Variants in SEMA3A observed in about 807,000 individuals in gnomAD.
SEMA3A encodes the protein semaphorin 3A.
Under a neutral mutation model 97.9 loss-of-function variants are expected in SEMA3A, and 29 were observed. That is an observed-to-expected ratio of 0.30 (90% CI 0.22 to 0.40). SEMA3A has a LOEUF of 0.40. Among genes scored for constraint, SEMA3A ranks in the 10% least tolerant of loss-of-function variants. The probability of loss-of-function intolerance (pLI) is 1.00; values close to 1 mark genes in which losing one functional copy is unlikely to be tolerated. For synonymous variants in SEMA3A, 321 were observed against 323.7 expected (o/e 0.99, Z 0.09); for missense variants, 763 against 951.3 (o/e 0.80, Z 2.60).
intron 3 of SEMA3A, among the ~76,000 whole-genome samples, chr7:84,263,330 T>C (rs189570346): frequency 2.6e-5 from 4 of 152,180 alleles, no homozygotes; most frequent in Non-Finnish European, 4.4e-5. Context: ...ACTGTGTAGG[T>C]AGTGCAGAAC....
intron 3 of SEMA3A, among the ~76,000 whole-genome samples, chr7:84,245,146 A>T (rs1799450406): frequency 6.6e-6 from 1 of 151,972 alleles, no homozygotes; most frequent in African/African-American, 2.4e-5. Context: ...TATTGCTAGG[A>T]TGGGGAAGTT....
intron 2 of SEMA3A, among the ~76,000 whole-genome samples, chr7:84,336,725 C>T (rs1802046354): frequency 6.6e-6 from 1 of 152,100 alleles, no homozygotes; most frequent in Admixed American, 6.6e-5. Context: ...AAGAAACATC[C>T]TCAAGTAGGG....
At position 84,275,996 on chromosome 7, in the gene SEMA3A, T is replaced by A. The variant is rs183955020; in HGVS notation, c.-83+31211A>T. On this transcript the variant is annotated intron_variant, in intron 3 of 3. Coordinates refer to the SEMA3A transcript ENST00000424555. ...CGTTGCTGCTTAAAATTACAAAATA[T>A]TGTCCTGCTCATGTAAAGTGGTAGT... Among the ~76,000 whole-genome samples the A allele has an allele frequency of 1.1e-3, 173 of 152,206 alleles. No individual in the cohort carries two copies. The Middle Eastern group carries it at 0.014, about 12-fold the overall frequency.
chr7:84,089,486 T>C (rs554345602), intron 4 of SEMA3A, among the ~76,000 whole-genome samples: 1 of 148,332 alleles, frequency 6.7e-6, no homozygotes, highest in Admixed American at 7.0e-5. Flanking sequence ...ATTATTGATT[T>C]TAATGTAATT....
chr7:83,973,298 G>A (rs1788994330), intron 15 of SEMA3A, among the ~76,000 whole-genome samples: 1 of 151,880 alleles, frequency 6.6e-6, no homozygotes, highest in African/African-American at 2.4e-5. Context: ...CTGAATAAGA[G>A]TTTATTTCTC....
At chr7:84,033,325 A>G (rs1032120057) in intron 6 of SEMA3A, among the ~76,000 whole-genome samples, 1 of 152,210 alleles carries the variant, frequency 6.6e-6, no homozygotes. Flanking sequence ...AAAATTTAAA[A>G]GCAAAAATTT....
chr7:84,322,741 T>A (rs376673946), intron 2 of SEMA3A, among the ~76,000 whole-genome samples: 1 of 152,194 alleles, frequency 6.6e-6, no homozygotes, highest in Non-Finnish European at 1.5e-5. Context: ...AACAGACTAA[T>A]ACAATCATTT....
intron 1 of SEMA3A, among the ~76,000 whole-genome samples, chr7:84,384,052 C>T (rs1051234670): frequency 3.3e-5 from 5 of 152,110 alleles, no homozygotes; most frequent in African/African-American, 1.2e-4. Context: ...TTGGATGGTA[C>T]TTCTAGGACA....
At chr7:83,988,691 A>T (rs772579688) in intron 12 of SEMA3A, among the ~76,000 whole-genome samples, 3 of 152,054 alleles carry the variant, frequency 2.0e-5, no homozygotes, top group Non-Finnish European at 2.9e-5. Context: ...ACCTTAAATG[A>T]ATTATATTAG....
At chr7:83,963,751 A>G (rs889718401) in intron 15 of SEMA3A, among the ~76,000 whole-genome samples, 21 of 152,218 alleles carry the variant, frequency 1.4e-4, no homozygotes, top group African/African-American at 5.1e-4. Flanking sequence ...AGTTATTGGA[A>G]TAAGTTTTTG....
chr7:84,414,356 C>T (rs1219185913), intron 1 of SEMA3A, among the ~76,000 whole-genome samples: 1 of 120,064 alleles, frequency 8.3e-6, no homozygotes, highest in Non-Finnish European at 1.8e-5. Flanking sequence ...ATTAACTCAA[C>T]AAAAGTAATC....
intron 9 of SEMA3A, among the ~76,000 whole-genome samples, chr7:84,008,865 A>G (rs2116406787): frequency 6.6e-6 from 1 of 152,306 alleles, no homozygotes; most frequent in Non-Finnish European, 1.5e-5. Context: ...TAGCAGAACA[A>G]ATAGCAAATT....
chr7:84,374,379 T>G (rs1401546751), intron 1 of SEMA3A, among the ~76,000 whole-genome samples: 1 of 152,196 alleles, frequency 6.6e-6, no homozygotes, highest in African/African-American at 2.4e-5. Context: ...TATATTTAAG[T>G]CAATTATTGA....
chr7:84,037,143 T>G (rs1359755722), intron 6 of SEMA3A, among the ~76,000 whole-genome samples: 1 of 146,066 alleles, frequency 6.8e-6, no homozygotes, highest in East Asian at 2.3e-4. Context: ...TCCAAACAGC[T>G]AAGTTTTTTT....
At chr7:84,487,727 C>T (rs1806611726) in intron 1 of SEMA3A, among the ~76,000 whole-genome samples, 1 of 152,080 alleles carries the variant, frequency 6.6e-6, no homozygotes, top group Non-Finnish European at 1.5e-5. Flanking sequence ...GTATTTAGAG[C>T]TTTCAGATCC....
intron 1 of SEMA3A, among the ~76,000 whole-genome samples, chr7:84,461,869 T>C (rs2116389339): frequency 6.6e-6 from 1 of 152,320 alleles, no homozygotes; most frequent in East Asian, 1.9e-4. Flanking sequence ...CATTGCTCAG[T>C]TCTTTTACAA....
At chr7:83,961,862 A>G (rs1788486644) in intron 16 of SEMA3A, 36 bp from the exon 17 acceptor site, 2 of 1,491,114 alleles carry the variant, frequency 1.3e-6, no homozygotes, top group Non-Finnish European at 1.8e-6. Context: ...TAAAATATAC[A>G]TATTTAAAAG....
At position 84,402,853 on chromosome 7, in the gene SEMA3A, G is replaced by T. The variant is rs1360713511; in HGVS notation, c.-245-30953C>A. ...TCACACGTTCTCATTCATGTCTGGG[G>T]GCTAAAACAATTGACTTTATGGAGA... On this transcript the variant is annotated intron_variant, in intron 1 of 3. Transcript: ENST00000424555. 2.0e-5 allele frequency among the ~76,000 whole-genome samples: 3 copies of T among 152,254 alleles called. No individual in the cohort carries two copies. The East Asian group carries it at 5.8e-4, about 29-fold the overall frequency.
intron 4 of SEMA3A, among the ~76,000 whole-genome samples, chr7:84,063,967 T>G (rs1478840370): frequency 6.6e-6 from 1 of 150,578 alleles, no homozygotes; most frequent in Non-Finnish European, 1.5e-5. Context: ...CACATAATTG[T>G]CAGATTCACC....
Sources: gnomAD v4.1 joint callset for allele counts (sites outside exome capture counted in the v4.1 genomes callset) on GRCh38, gnomAD v4.1.1 for gene constraint, MANE v1.5 for transcripts, NCBI Gene and HGNC (gene_info 2026-07-23, HGNC 2026-07-21) for gene names.